The following KIAA1328 variants were observed in gnomAD, a reference collection of about 807,000 sequenced individuals.
KIAA1328 encodes the protein KIAA1328.
Under a neutral mutation model 68.1 loss-of-function variants are expected in KIAA1328, and 52 were observed. The observed-to-expected ratio is 0.76, with a 90% CI of 0.61 to 0.96. KIAA1328 has a LOEUF of 0.96. KIAA1328 is among the 40% of genes least tolerant of loss of function. The pLI, the probability that KIAA1328 is intolerant of heterozygous loss-of-function variation, is 0.00. For missense variants in KIAA1328, 641 were observed against 677.6 expected, an observed-to-expected ratio of 0.95 and a Z score of 0.60; for synonymous variants, 232 against 239.4, an observed-to-expected ratio of 0.97 and a Z score of 0.28.
chr18:37,099,050 A>T (rs994941834), intron 7 of KIAA1328, among the ~76,000 whole-genome samples: 8 of 151,728 alleles, frequency 5.3e-5, no homozygotes, highest in Non-Finnish European at 1.0e-4. Context: ...GATTTTTTTG[A>T]AGGGTTTTTT....
intron 8 of KIAA1328, among the ~76,000 whole-genome samples, chr18:37,171,488 G>A (rs1380767630): frequency 1.3e-5 from 2 of 152,140 alleles, no homozygotes; most frequent in Non-Finnish European, 2.9e-5. Context: ...CAGATTACAG[G>A]TGTGAGCCAC....
chr18:37,053,108 G>C (rs1360547472), intron 6 of KIAA1328, among the ~76,000 whole-genome samples: 1 of 152,298 alleles, frequency 6.6e-6, no homozygotes, highest in South Asian at 2.1e-4. Context: ...CAAGGAAATA[G>C]TAATCAGAAT....
At chr18:37,230,218 A>G (rs1237449336), downstream of KIAA1328, 1 of 152,306 alleles carries the variant, frequency 6.6e-6, no homozygotes, top group Non-Finnish European at 1.5e-5. Flanking sequence ...AACCTGGATT[A>G]AAGCATTAGT....
chr18:36,862,295 C>T (rs959143345), intron 4 of KIAA1328, among the ~76,000 whole-genome samples: 47 of 151,194 alleles, frequency 3.1e-4, no homozygotes, highest in African/African-American at 1.1e-3. Context: ...TTGCCATAGT[C>T]AAGATATGAA....
At chr18:37,126,028 A>T (rs1196533148) in intron 7 of KIAA1328, among the ~76,000 whole-genome samples, 1 of 152,240 alleles carries the variant, frequency 6.6e-6, no homozygotes, top group Admixed American at 6.5e-5. Flanking sequence ...TTTCAGAGTC[A>T]GAAATGATAG....
At chr18:36,879,431 G>A (rs766819262) in intron 4 of KIAA1328, among the ~76,000 whole-genome samples, 42 of 152,078 alleles carry the variant, frequency 2.8e-4, no homozygotes, top group Non-Finnish European at 5.0e-4. Flanking sequence ...GATGCCAGTC[G>A]GAGCTCTCCT....
intron 7 of KIAA1328, among the ~76,000 whole-genome samples, chr18:37,103,743 A>G (rs973282137): frequency 2.0e-5 from 3 of 152,140 alleles, no homozygotes; most frequent in Non-Finnish European, 4.4e-5. Context: ...AAGTATATAC[A>G]AAGTATTCAT....
intron 6 of KIAA1328, among the ~76,000 whole-genome samples, chr18:36,987,660 G>C (rs908918416): frequency 2.0e-5 from 3 of 152,040 alleles, no homozygotes; most frequent in African/African-American, 7.2e-5. Context: ...GGAGTGGGTG[G>C]AAGAGATTAC....
intron 7 of KIAA1328, among the ~76,000 whole-genome samples, chr18:37,078,467 A>G (rs1488650433): frequency 2.6e-5 from 4 of 151,602 alleles, no homozygotes; most frequent in East Asian, 1.9e-4. Flanking sequence ...ACAAAAGCCA[A>G]AATTGACAAA....
At chr18:37,142,189 TTTTTTG>T (rs150770860) in intron 7 of KIAA1328, among the ~76,000 whole-genome samples, 40,063 of 151,554 alleles carry the variant, frequency 0.26, 8,294 homozygotes, top group African/African-American at 0.58. Context: ...ATTCTTTTTC[TTTTTTG>T]TTTTTGTTTT....
chr18:37,122,695 G>A (rs992009115), intron 7 of KIAA1328, among the ~76,000 whole-genome samples: 1 of 152,042 alleles, frequency 6.6e-6, no homozygotes, highest in East Asian at 1.9e-4. Flanking sequence ...GTATTTCCAT[G>A]TGGTATTCTC....
chr18:36,950,266 T>C (rs969388726), intron 5 of KIAA1328, among the ~76,000 whole-genome samples: 2 of 152,234 alleles, frequency 1.3e-5, no homozygotes, highest in Admixed American at 6.5e-5. Flanking sequence ...ATTTTAGTTT[T>C]TAATGAGTCA....
downstream of KIAA1328, among the ~76,000 whole-genome samples, chr18:37,228,374 G>A (rs1481039383): frequency 6.6e-6 from 1 of 152,188 alleles, no homozygotes; most frequent in Non-Finnish European, 1.5e-5. Flanking sequence ...ACATGCTACA[G>A]AGAAATTTTC....
chr18:37,207,438 GATTTCCC>G (rs2060236478), intron 9 of KIAA1328, among the ~76,000 whole-genome samples: 2 of 152,124 alleles, frequency 1.3e-5, no homozygotes, highest in African/African-American at 4.8e-5. Context: ...TTTGAAGCTT[GATTTCCC>G]ATAATTTAGG....
At position 37,067,584 on chromosome 18, in the gene KIAA1328, G is replaced by A. The variant is rs542121704; in HGVS notation, c.1232+39G>A. On this transcript the variant is annotated intron_variant, in intron 7 of 9. Transcript: ENST00000280020. ...GTTCTTTTTTTTTTTTTTTTGAGAC[G>A]AAATCTCGCCCTGTTGCCCAGGCTG... is the stretch of plus-strand genomic sequence containing the variant. 1.8e-4 allele frequency: 265 copies of A among 1,433,264 alleles called. 1 individual carries two copies. The African/African-American group carries it at 2.1e-3, about 11-fold the overall frequency. The allele number at this position is 1,433,264 out of a possible 1,614,324, so 88.8% of individuals were successfully genotyped here.
At chr18:37,101,019 T>TA (rs1423270409) in intron 7 of KIAA1328, among the ~76,000 whole-genome samples, 2 of 152,158 alleles carry the variant, frequency 1.3e-5, no homozygotes, top group Non-Finnish European at 2.9e-5. Context: ...ACCCCATCTG[T>TA]ACGTCACCAT....
intron 4 of KIAA1328, among the ~76,000 whole-genome samples, chr18:36,851,412 T>G (rs2047207302): frequency 2.0e-5 from 3 of 152,140 alleles, no homozygotes; most frequent in Admixed American, 6.6e-5. Context: ...GTAGAATTAA[T>G]CAGTGAAGCC....
intron 6 of KIAA1328, among the ~76,000 whole-genome samples, chr18:37,025,161 C>T (rs559397624): frequency 1.3e-5 from 2 of 152,206 alleles, no homozygotes; most frequent in Admixed American, 1.3e-4. Context: ...GGGATCAATT[C>T]AACAAGAAGA....
chr18:36,918,984 GT>G (rs1446213025), intron 5 of KIAA1328, among the ~76,000 whole-genome samples: 5 of 152,124 alleles, frequency 3.3e-5, no homozygotes, highest in African/African-American at 4.8e-5. Flanking sequence ...AGTATGTAGT[GT>G]ATCTTGATGA....
Sources: allele counts gnomAD v4.1 joint callset (sites outside exome capture counted in the v4.1 genomes callset), GRCh38; gene constraint gnomAD v4.1.1; transcripts MANE v1.5; gene names NCBI Gene and HGNC (gene_info 2026-07-23, HGNC 2026-07-21).